The following CLNK variants were observed in gnomAD, a reference collection of about 807,000 sequenced individuals.
The protein encoded by CLNK is cytokine dependent hematopoietic cell linker.
CLNK carries 74 observed loss-of-function variants against 68.6 expected under a neutral mutation model. That is an observed-to-expected ratio of 1.08 (90% confidence interval 0.89 to 1.31). The LOEUF (loss-of-function observed/expected upper bound fraction) is 1.31, where lower values mean the gene tolerates loss of function less well. CLNK is among the 50% of genes most tolerant of loss of function. The pLI is 0.00. For synonymous variants in CLNK, 198 were observed against 172.2 expected, an observed-to-expected ratio of 1.15 and a Z score of -1.17; for missense variants, 553 against 515.3, an observed-to-expected ratio of 1.07 and a Z score of -0.71.
At chr4:10,533,496 G>C (rs532478723) in intron 11 of CLNK, among the ~76,000 whole-genome samples, 1 of 152,264 alleles carries the variant, frequency 6.6e-6, no homozygotes, top group South Asian at 2.1e-4. Context: ...GGCTATATCA[G>C]GATTCCAGAA....
chr4:10,655,989 C>A lies in CLNK; in HGVS notation c.11+11870G>T, dbSNP rs75681265. Reference sequence around the variant, plus strand: ...ATATAGAGCCGGGTAAATTGTTTATCCATGCGAAAAAGAAAAAGAGAGAAA... The same window carrying A: ...ATATAGAGCCGGGTAAATTGTTTATACATGCGAAAAAGAAAAAGAGAGAAA... On this transcript the variant is annotated intron_variant, in intron 2 of 18. Coordinates refer to ENST00000226951, the MANE Select transcript of CLNK (RefSeq NM_052964.4). 1.9e-3 allele frequency among the ~76,000 whole-genome samples: 291 copies of A among 151,854 alleles called. 1 individual carries two copies. The highest frequency in any genetic ancestry group is 6.1e-3 in the African/African-American group (251 of 41,420).
In CLNK at chr4:10,667,802, C is replaced by T. The variant is rs1053300042; in HGVS notation, c.11+57G>A. On this transcript the variant is annotated intron_variant, in intron 2 of 18. Transcript: ENST00000226951. Reference sequence around the variant, plus strand: ...TCTCAGTTCATCTTCCAGAAAACACCTCCTGTCCCCACCAAGAAAAGGGAA... The same window carrying T: ...TCTCAGTTCATCTTCCAGAAAACACTTCCTGTCCCCACCAAGAAAAGGGAA... 5 of 1,520,766 alleles carry T rather than the reference C, an allele frequency of 3.3e-6. No individual in the cohort carries two copies. The African/African-American group carries it at 5.6e-5, about 17-fold the overall frequency. 94.2% of individuals were successfully genotyped at this position (1,520,766 alleles called of 1,614,324 possible).
rs554977016 is a variant in CLNK, at chr4:10,509,061, C to T, written c.907-1025G>A. Among the ~76,000 whole-genome samples the T allele has an allele frequency of 4.4e-5, 6 of 135,908 alleles. No individual in the cohort carries two copies. In the South Asian group the frequency reaches 1.2e-3, roughly 27 times the overall value. 89.2% of individuals were successfully genotyped at this position (135,908 alleles called of 152,430 possible). A position where few individuals can be genotyped will look rare whatever the true frequency, so the allele number is the denominator to read the frequency against. On this transcript the variant is annotated intron_variant, in intron 16 of 18. Transcript: ENST00000226951. ...GGCGGCGGTTGCAGTGAGCCGAGAT[C>T]GTGCCACTGCACTCCAGCCTGGTGA...
At chr4:10,733,749 G>T in the CLNK span, among the ~76,000 whole-genome samples, 1 of 152,182 alleles carries the variant, frequency 6.6e-6, no homozygotes, top group Non-Finnish European at 1.5e-5. Context: ...TTTGTCCAGA[G>T]ATGCTTTTAT....
intron 2 of CLNK, among the ~76,000 whole-genome samples, chr4:10,665,328 C>T (rs754061414): frequency 1.3e-5 from 2 of 152,164 alleles, no homozygotes; most frequent in Non-Finnish European, 2.9e-5. Flanking sequence ...AAGGGGAAAA[C>T]CTCTCCTCTT....
At chr4:10,645,209 C>T (rs1417045422) in intron 2 of CLNK, among the ~76,000 whole-genome samples, 1 of 152,224 alleles carries the variant, frequency 6.6e-6, no homozygotes, top group Non-Finnish European at 1.5e-5. Flanking sequence ...CATCTTATGT[C>T]TCAGCCTTGA....
At chr4:10,652,591 T>G (rs1380206218) in intron 2 of CLNK, among the ~76,000 whole-genome samples, 2 of 152,130 alleles carry the variant, frequency 1.3e-5, no homozygotes, top group African/African-American at 4.8e-5. Flanking sequence ...CAGGAAAAGA[T>G]GTTTTTCCCA....
chr4:10,553,370 G>A (rs1719536474), intron 8 of CLNK, among the ~76,000 whole-genome samples: 1 of 152,140 alleles, frequency 6.6e-6, no homozygotes, highest in Non-Finnish European at 1.5e-5. Context: ...AACTTGGTCA[G>A]TAAAAAGATC....
chr4:10,714,044 G>T, the CLNK span, among the ~76,000 whole-genome samples: 1 of 152,150 alleles, frequency 6.6e-6, no homozygotes, highest in Non-Finnish European at 1.5e-5. Context: ...TTCTTTCCAT[G>T]TTACAAGCCT....
At chr4:10,656,618 T>C (rs1724000826) in intron 2 of CLNK, 1 of 152,152 alleles carries the variant, frequency 6.6e-6, no homozygotes, top group South Asian at 2.1e-4. Context: ...AAGCATAAAA[T>C]GACCTGGCTG....
At chr4:10,690,873 A>T in the CLNK span, among the ~76,000 whole-genome samples, 2 of 151,770 alleles carry the variant, frequency 1.3e-5, no homozygotes, top group East Asian at 3.9e-4. Context: ...AGGCCATGGG[A>T]GCAGGTAGAG....
intron 11 of CLNK, among the ~76,000 whole-genome samples, chr4:10,535,121 G>A (rs1485505127): frequency 6.6e-6 from 1 of 151,882 alleles, no homozygotes; most frequent in Non-Finnish European, 1.5e-5. Context: ...GGATAAGGCG[G>A]GCGGACTGCC....
At chr4:10,662,967 C>G (rs1447397295) in intron 2 of CLNK, among the ~76,000 whole-genome samples, 1 of 152,164 alleles carries the variant, frequency 6.6e-6, no homozygotes, top group Non-Finnish European at 1.5e-5. Flanking sequence ...CTGGGATGTG[C>G]AAGAGTGACT....
the CLNK span, among the ~76,000 whole-genome samples, chr4:10,695,648 T>C: frequency 1.3e-5 from 2 of 152,218 alleles, no homozygotes; most frequent in African/African-American, 4.8e-5. Flanking sequence ...CTGAGTCATA[T>C]TCTTGGAGTT....
At chr4:10,687,118 C>G (rs1351940468), upstream of CLNK, among the ~76,000 whole-genome samples, 1 of 151,182 alleles carries the variant, frequency 6.6e-6, no homozygotes. Flanking sequence ...AGTGCCTGAT[C>G]AGACATGTAT....
chr4:10,672,665 A>T (rs988802112), intron 1 of CLNK, among the ~76,000 whole-genome samples: 1 of 152,208 alleles, frequency 6.6e-6, no homozygotes, highest in African/African-American at 2.4e-5. Context: ...AATTATCTGG[A>T]AACCTTAAAA....
At chr4:10,590,660 C>T (rs1208656762) in intron 3 of CLNK, among the ~76,000 whole-genome samples, 1 of 152,204 alleles carries the variant, frequency 6.6e-6, no homozygotes, top group African/African-American at 2.4e-5. Flanking sequence ...CATTAGAAGG[C>T]TACTCTAGAA....
At chr4:10,491,102 G>A (rs999662009) in intron 18 of CLNK, among the ~76,000 whole-genome samples, 2 of 152,194 alleles carry the variant, frequency 1.3e-5, no homozygotes, top group African/African-American at 4.8e-5. Flanking sequence ...AAGCTTGAAG[G>A]ATGAGTGATA....
At chr4:10,725,084 G>T in the CLNK span, among the ~76,000 whole-genome samples, 2 of 152,146 alleles carry the variant, frequency 1.3e-5, no homozygotes, top group African/African-American at 4.8e-5. Flanking sequence ...TTTTCCTTGC[G>T]AAGGAGAGGG....
Sources: allele counts gnomAD v4.1 joint callset (sites outside exome capture counted in the v4.1 genomes callset), GRCh38; gene constraint gnomAD v4.1.1; transcripts MANE v1.5; gene names NCBI Gene and HGNC (gene_info 2026-07-23, HGNC 2026-07-21).